C10orf71: variants seen among roughly 807,000 people sequenced by gnomAD.
C10orf71 encodes the protein cardiac-enriched FHL2-interacting protein.
For synonymous variants in C10orf71, 758 were observed against 726.3 expected, an observed-to-expected ratio of 1.04 and a Z score of -0.70; for missense variants, 1,869 against 1,804.5, an observed-to-expected ratio of 1.04 and a Z score of -0.65.
chr10:49,307,065 C>T (rs1205206214), intron 1 of C10orf71, among the ~76,000 whole-genome samples: 1 of 152,238 alleles, frequency 6.6e-6, no homozygotes, highest in Non-Finnish European at 1.5e-5. Flanking sequence ...CTCACCCAAC[C>T]CTGGGATAGG....
chr10:49,316,744 G>C (rs779603281), intron 2 of C10orf71, among the ~76,000 whole-genome samples: 1 of 152,154 alleles, frequency 6.6e-6, no homozygotes, highest in East Asian at 1.9e-4. Context: ...GCACACTTCC[G>C]TCCTTGTGTA....
upstream of C10orf71, among the ~76,000 whole-genome samples, chr10:49,297,869 G>T (rs1195287336): frequency 6.6e-6 from 1 of 152,124 alleles, no homozygotes; most frequent in Non-Finnish European, 1.5e-5. Flanking sequence ...GTTCACTTTG[G>T]GCCTCCCTCA....
intron 1 of C10orf71, among the ~76,000 whole-genome samples, chr10:49,301,308 G>A (rs1027857744): frequency 3.3e-5 from 5 of 152,190 alleles, no homozygotes; most frequent in African/African-American, 9.6e-5. Context: ...CCATTTGAGA[G>A]TTTAAACCTC....
intron 1 of C10orf71, among the ~76,000 whole-genome samples, chr10:49,306,177 C>T (rs947077035): frequency 5.3e-5 from 8 of 152,218 alleles, no homozygotes; most frequent in African/African-American, 1.9e-4. Flanking sequence ...GTCCAGGCGT[C>T]CTCCCTGCTG....
In C10orf71 at chr10:49,323,995, A is replaced by G; in HGVS notation, c.1450A>G (p.Ser484Gly). ...QLNGYQEKEPSECQSRDSYKS... is the reference protein window; with the variant it reads ...QLNGYQEKEPGECQSRDSYKS... ...AAACGGATACCAAGAGAAGGAGCCCAGTGAATGTCAGTCTCGAGACAGCTA... is the reference window on the plus strand; with the variant it reads ...AAACGGATACCAAGAGAAGGAGCCCGGTGAATGTCAGTCTCGAGACAGCTA... Residue 484 changes from serine to glycine, a missense_variant, in exon 3 of 3, where the codon AGT (serine) becomes GGT (glycine). By Grantham distance (56) the Ser-to-Gly change is moderately conservative (BLOSUM62 0). Coordinates refer to ENST00000374144, the MANE Select transcript of C10orf71 (RefSeq NM_001135196.2). 6.2e-7 allele frequency: 1 copy of G among 1,613,722 alleles called. No homozygotes were observed. The highest frequency in any genetic ancestry group is 8.5e-7 in the Non-Finnish European group (1 of 1,179,744).
At chr10:49,311,924 G>A (rs915159990) in intron 1 of C10orf71, among the ~76,000 whole-genome samples, 3 of 152,182 alleles carry the variant, frequency 2.0e-5, no homozygotes, top group South Asian at 2.1e-4. Context: ...TCCGCAAAAA[G>A]CAGCACATCC....
chr10:49,307,866 C>T (rs1848841673), intron 1 of C10orf71, among the ~76,000 whole-genome samples: 1 of 152,182 alleles, frequency 6.6e-6, no homozygotes, highest in African/African-American at 2.4e-5. Flanking sequence ...TTTCTCCTGC[C>T]ATAAGGGTCC....
At chr10:49,320,071 G>A (rs978536427) in intron 2 of C10orf71, among the ~76,000 whole-genome samples, 6 of 152,176 alleles carry the variant, frequency 3.9e-5, no homozygotes, top group East Asian at 1.9e-4. Flanking sequence ...ATGAACATAC[G>A]AATATATTTA....
At position 49,325,900 on chromosome 10, in the gene C10orf71, T is replaced by A; in HGVS notation, c.3355T>A (p.Trp1119Arg). ...RREDLTHALVWEGGSDPLLEL... is the reference protein window; with the variant it reads ...RREDLTHALVREGGSDPLLEL... Reference sequence around the variant, plus strand: ...GGAGGACCTGACCCACGCCCTCGTGTGGGAGGGCGGCTCTGACCCCCTACT... The same window carrying A: ...GGAGGACCTGACCCACGCCCTCGTGAGGGAGGGCGGCTCTGACCCCCTACT... Residue 1119 changes from tryptophan to arginine, a missense_variant, in exon 3 of 3, where the codon TGG becomes AGG. Transcript: ENST00000374144. The A allele has an allele frequency of 1.3e-6, 2 of 1,549,796 alleles. No individual in the cohort carries two copies. Among genetic ancestry groups the A allele is most frequent in the Non-Finnish European group, 1.7e-6 (2 of 1,145,738 alleles).
At chr10:49,315,107 G>A (rs1848977573) in intron 1 of C10orf71, among the ~76,000 whole-genome samples, 1 of 152,188 alleles carries the variant, frequency 6.6e-6, no homozygotes. Flanking sequence ...GCCCATCTAA[G>A]CCAGCCTGGG....
At position 49,324,390 on chromosome 10, in the gene C10orf71, G is replaced by A; in HGVS notation, c.1845G>A (p.Glu615=). 6.2e-7 allele frequency: 1 copy of A among 1,613,306 alleles called. No homozygotes were observed. The highest frequency in any genetic ancestry group is 1.1e-5 in the South Asian group (1 of 90,916). The part of the protein sequence containing the change: ...NGEAAERSSY[E]NKEVEGELEM... ...AGGCTGCTGAGAGAAGCAGTTATGAGAACAAGGAGGTGGAAGGAGAGTTGG... is the reference window on the plus strand; with the variant it reads ...AGGCTGCTGAGAGAAGCAGTTATGAAAACAAGGAGGTGGAAGGAGAGTTGG... Residue 615 remains glutamate, a synonymous_variant, in exon 3 of 3, where the codon GAG becomes GAA. Transcript: ENST00000374144.
At position 49,323,075 on chromosome 10, in the gene C10orf71, C is replaced by T. The variant is rs1011129764; in HGVS notation, c.530C>T (p.Ala177Val). ...GCTCTGAAAAATCCTCCCAAATTCG[C>T]TCCTCTTCCAGAAAACAGTGTCAAC... ...PPALKNPPKF[A>V]PLPENSVNFC... Residue 177 changes from alanine to valine, a missense_variant, in exon 3 of 3, where the codon GCT becomes GTT. By Grantham distance (64) the Ala-to-Val change is moderately conservative. Coordinates refer to ENST00000374144, the MANE Select transcript of C10orf71 (RefSeq NM_001135196.2). The T allele has an allele frequency of 1.2e-6, 2 of 1,614,058 alleles. No homozygotes were observed. Among genetic ancestry groups the T allele is most frequent in the Middle Eastern group, 1.6e-4 (1 of 6,062 alleles).
intron 1 of C10orf71, among the ~76,000 whole-genome samples, chr10:49,310,215 G>A (rs548603268): frequency 6.6e-6 from 1 of 152,222 alleles, no homozygotes; most frequent in Admixed American, 6.5e-5. Flanking sequence ...CATGTTTACA[G>A]GCTGAATCAA....
rs1457778653 is a variant in C10orf71 at position 49,323,778 on chromosome 10, G to A, written c.1233G>A (p.Leu411=). 2 of 1,613,980 alleles carry A rather than the reference G, an allele frequency of 1.2e-6. No homozygotes were observed. Among genetic ancestry groups the A allele is most frequent in the Non-Finnish European group, 8.5e-7 (1 of 1,179,886 alleles). The change falls in exon 3 of 3, where the codon TTG becomes TTA. Residue 411 remains leucine, a synonymous_variant. Transcript: ENST00000374144. ...KTQTNQRGPP[L]YTKHNPQEQF... is the part of the protein sequence containing the mutation. The stretch of plus-strand genomic sequence containing the variant: ...AGACCAACCAGAGAGGCCCACCTTT[G>A]TATACAAAACACAACCCCCAGGAAC...
chr10:49,326,208 G>C lies in C10orf71; in HGVS notation c.3663G>C (p.Pro1221=). The C allele has an allele frequency of 6.4e-7, 1 of 1,551,250 alleles. No individual in the cohort carries two copies. Among genetic ancestry groups the C allele is most frequent in the East Asian group, 2.4e-5 (1 of 40,892 alleles). ...PEDLEQTQQR[P]LCPRERPRHN... ...ACTTGGAGCAGACACAGCAAAGGCCGCTGTGCCCCAGAGAGAGGCCCCGAC... is the reference window on the plus strand; with the variant it reads ...ACTTGGAGCAGACACAGCAAAGGCCCCTGTGCCCCAGAGAGAGGCCCCGAC... Residue 1221 remains proline, a synonymous_variant, in exon 3 of 3, where the codon CCG becomes CCC. Transcript: ENST00000374144.
In C10orf71 at chr10:49,326,089, C is replaced by G. The variant is rs1313128020; in HGVS notation, c.3544C>G (p.Arg1182Gly). The G allele has an allele frequency of 1.9e-6, 3 of 1,551,730 alleles. No individual in the cohort carries two copies. The highest frequency in any genetic ancestry group is 3.9e-5 in the Admixed American group (2 of 51,006). Residue 1182 changes from arginine to glycine, a missense_variant, in exon 3 of 3, where the codon CGG (arginine) becomes GGG (glycine). Arg to Gly is a moderately radical substitution (Grantham distance 125). Coordinates refer to ENST00000374144, the MANE Select transcript of C10orf71 (RefSeq NM_001135196.2). ...CCCACCCAAAACAGAGAAAGCCCTG[C>G]GGCGGGCAAAGAAGCTGGCAAGTAA... ...AVPPKTEKAL[R>G]RAKKLASKRR... is the part of the protein sequence containing the mutation.
intron 1 of C10orf71, among the ~76,000 whole-genome samples, chr10:49,308,883 G>C (rs544973975): frequency 6.6e-6 from 1 of 152,210 alleles, no homozygotes; most frequent in African/African-American, 2.4e-5. Context: ...CCCCACATGG[G>C]AGATGCTGAG....
At chr10:49,301,172 C>A (rs1848722494) in intron 1 of C10orf71, among the ~76,000 whole-genome samples, 1 of 152,154 alleles carries the variant, frequency 6.6e-6, no homozygotes, top group African/African-American at 2.4e-5. Context: ...TGGGATTTTA[C>A]TCCATATGCC....
intron 2 of C10orf71, among the ~76,000 whole-genome samples, chr10:49,319,876 A>G (rs1242331541): frequency 1.3e-5 from 2 of 152,102 alleles, no homozygotes; most frequent in African/African-American, 4.8e-5. Flanking sequence ...TGCTAGAGAA[A>G]TAAGCCAGTC....
Sources: allele counts gnomAD v4.1 joint callset (sites outside exome capture counted in the v4.1 genomes callset), GRCh38; gene constraint gnomAD v4.1.1; transcripts MANE v1.5; gene names NCBI Gene and HGNC (gene_info 2026-07-23, HGNC 2026-07-21).